Variants in PARVB observed in about 807,000 individuals in gnomAD.
PARVB encodes the protein beta-parvin.
A neutral mutation model predicts 47.0 loss-of-function variants in PARVB; 46 were observed. That is an observed-to-expected ratio of 0.98 (90% confidence interval 0.77 to 1.25). The LOEUF is 1.25. PARVB is among the 50% of genes most tolerant of loss of function. The pLI is 0.00. For synonymous variants in PARVB, 196 were observed against 196.3 expected (o/e 1.00, Z 0.01); for missense variants, 473 against 471.6 (o/e 1.00, Z -0.03).
At chr22:44,022,736 TTTTA>T (rs1189705686), upstream of PARVB, among the ~76,000 whole-genome samples, 1 of 134,246 alleles carries the variant, frequency 7.4e-6, no homozygotes, top group Non-Finnish European at 1.5e-5. Context: ...ACTTCTTTTT[TTTTA>T]TTTTTTATTT....
chr22:44,129,818 G>C (rs535389101), intron 4 of PARVB, among the ~76,000 whole-genome samples: 1 of 152,066 alleles, frequency 6.6e-6, no homozygotes, highest in Non-Finnish European at 1.5e-5. Flanking sequence ...TGTTTTTTAC[G>C]GGTGTTTATC....
intron 7 of PARVB, chr22:44,139,429 A>T (rs1342644707): frequency 2.0e-5 from 3 of 152,436 alleles, no homozygotes; most frequent in Non-Finnish European, 2.9e-5. Context: ...CCAGCCTTGC[A>T]TTTTTTTATT....
chr22:44,168,635 G>C lies in PARVB; in HGVS notation c.1052G>C (p.Arg351Thr), dbSNP rs765896985. The C allele has an allele frequency of 1.9e-6, 3 of 1,613,446 alleles. No homozygotes were observed. Among genetic ancestry groups the C allele is most frequent in the South Asian group, 1.1e-5 (1 of 91,070 alleles). Residue 351 changes from arginine to threonine, a missense_variant, in exon 13 of 13, where the codon AGG becomes ACG. Physicochemically the swap from Arg to Thr is moderately conservative, Grantham distance 71 (BLOSUM62 -1). Transcript: ENST00000338758. ...AACTTGGACCTCAAATCCACCCTGAGGGTTCTTTACAACCTGTTCACCAAG... is the reference window on the plus strand; with the variant it reads ...AACTTGGACCTCAAATCCACCCTGACGGTTCTTTACAACCTGTTCACCAAG... ...VVNLDLKSTL[R>T]VLYNLFTKYK...
intron 11 of PARVB, among the ~76,000 whole-genome samples, chr22:44,162,463 A>G (rs2054073913): frequency 6.6e-6 from 1 of 151,926 alleles, no homozygotes; most frequent in Non-Finnish European, 1.5e-5. Context: ...CTGGGATTAC[A>G]GGTGTGCACC....
At chr22:44,047,834 T>C (rs2051140447) in intron 1 of PARVB, among the ~76,000 whole-genome samples, 1 of 152,132 alleles carries the variant, frequency 6.6e-6, no homozygotes, top group African/African-American at 2.4e-5. Context: ...TTGACGTTGG[T>C]GTAATCTACT....
At position 44,063,870 on chromosome 22, in the gene PARVB, G is replaced by A. The variant is rs546515885; in HGVS notation, c.113-30058G>A. 1.4e-3 allele frequency among the ~76,000 whole-genome samples: 211 copies of A among 152,274 alleles called. 1 individual carries two copies. Among genetic ancestry groups the A allele is most frequent in the Non-Finnish European group, 2.3e-3 (156 of 68,030 alleles). On this transcript the variant is annotated intron_variant, in intron 1 of 12. Transcript: ENST00000338758. ...CCAGCTCGGATTCCCAGTTCTGGCCGAGCCGATGTGCTCTCTGTTGCCACA... is the reference window on the plus strand; with the variant it reads ...CCAGCTCGGATTCCCAGTTCTGGCCAAGCCGATGTGCTCTCTGTTGCCACA...
intron 1 of PARVB, among the ~76,000 whole-genome samples, chr22:44,054,604 T>C (rs1454394387): frequency 6.6e-6 from 1 of 152,174 alleles, no homozygotes; most frequent in African/African-American, 2.4e-5. Flanking sequence ...AGTTAGTGTT[T>C]CTGCCTTGCA....
At chr22:44,100,159 AG>A (rs1207358239) in intron 3 of PARVB, 36 bp downstream of exon 3, 13 of 1,549,386 alleles carry the variant, frequency 8.4e-6, no homozygotes, top group African/African-American at 1.4e-5. Context: ...TCTTCCTCTT[AG>A]GGCGAGGACT....
At chr22:44,093,732 G>A (rs570889794) in intron 1 of PARVB, among the ~76,000 whole-genome samples, 196 bp from the exon 2 acceptor site, 8 of 152,190 alleles carry the variant, frequency 5.3e-5, no homozygotes, top group Admixed American at 4.6e-4. Flanking sequence ...TATTTGGGGT[G>A]GGGAGGAACT....
At chr22:44,160,058 G>A (rs1395374308) in intron 11 of PARVB, among the ~76,000 whole-genome samples, 1 of 152,238 alleles carries the variant, frequency 6.6e-6, no homozygotes, top group Non-Finnish European at 1.5e-5. Flanking sequence ...CTCAGAGCCT[G>A]TAGGCTCGTG....
intron 1 of PARVB, among the ~76,000 whole-genome samples, chr22:44,057,401 T>G (rs2051335278): frequency 6.6e-6 from 1 of 152,138 alleles, no homozygotes; most frequent in African/African-American, 2.4e-5. Flanking sequence ...ATCTCCGTGC[T>G]CGCAAAAAAT....
chr22:44,107,501 G>A (rs369513796), intron 3 of PARVB: 2 of 152,208 alleles, frequency 1.3e-5, no homozygotes, highest in African/African-American at 2.4e-5. Context: ...AGTGATAGGA[G>A]CGTCTTTTGT....
At chr22:44,118,750 C>T (rs2052971451) in intron 3 of PARVB, among the ~76,000 whole-genome samples, 1 of 152,148 alleles carries the variant, frequency 6.6e-6, no homozygotes, top group East Asian at 1.9e-4. Flanking sequence ...TCTGTGCTTG[C>T]TCTGGTCCTG....
intron 1 of PARVB, among the ~76,000 whole-genome samples, chr22:44,032,702 G>A (rs1204393385): frequency 6.6e-6 from 1 of 152,142 alleles, no homozygotes; most frequent in Non-Finnish European, 1.5e-5. Context: ...AGGCATTGAC[G>A]CAGACACCAG....
Position 44,049,885 on chromosome 22 carries a change from G to A in PARVB, c.112+25434G>A, listed in dbSNP as rs566019372. On this transcript the variant is annotated intron_variant, in intron 1 of 12. Transcript: ENST00000338758. This position sits in a 1 kb window ranked among gnomAD's most constrained non-coding sequence, Gnocchi z 4.0. ...GCCTCAGCCTCTGTGTGGCTCTGGT[G>A]GGGAGTGTGTCTCGATGTTGTACTG... Among the ~76,000 whole-genome samples, 62 of 152,332 alleles carry A rather than the reference G, an allele frequency of 4.1e-4. No individual in the cohort carries two copies. The highest frequency in any genetic ancestry group is 6.6e-4 in the Non-Finnish European group (45 of 68,022).
intron 1 of PARVB, among the ~76,000 whole-genome samples, chr22:44,055,674 C>CTATATATATATA (rs1263427845): frequency 7.3e-6 from 1 of 136,978 alleles, no homozygotes; most frequent in African/African-American, 2.9e-5. Context: ...CTCTCTCTCT[C>CTATATATATATA]TCTCTATATA....
rs901926705 is a variant in PARVB, at chr22:44,046,850, C to T, written c.112+22399C>T. 3.9e-5 allele frequency among the ~76,000 whole-genome samples: 6 copies of T among 152,166 alleles called. No individual in the cohort carries two copies. The South Asian group carries it at 1.2e-3, about 32-fold the overall frequency. ...GAGGCCAGAGTCTGCTGACTTGAGC[C>T]TCTGCTGAGGTCCTTATCAGTGCCG... On this transcript the variant is annotated intron_variant, in intron 1 of 12. Coordinates refer to ENST00000338758, the MANE Select transcript of PARVB (RefSeq NM_013327.5).
chr22:44,170,294 C>G lies in PARVB; in HGVS notation c.*1616C>G, dbSNP rs2054253981. 6.6e-6 allele frequency: 1 copy of G among 152,150 alleles called. No homozygotes were observed. The highest frequency in any genetic ancestry group is 1.5e-5 in the Non-Finnish European group (1 of 68,036). 9.4% of individuals were successfully genotyped at this position (152,150 alleles called of 1,614,324 possible). On this transcript the variant is annotated 3_prime_UTR_variant, in exon 13 of 13. Transcript: ENST00000338758. Reference sequence around the variant, plus strand: ...GGGATTATAGGCATGAGCGGACATGCCCAGCCTGCACCCCTCTTTTTAGAA... The same window carrying G: ...GGGATTATAGGCATGAGCGGACATGGCCAGCCTGCACCCCTCTTTTTAGAA...
intron 8 of PARVB, 171 bp downstream of exon 8, chr22:44,140,314 A>G (rs1413062685): frequency 4.0e-6 from 3 of 746,966 alleles, no homozygotes; most frequent in Non-Finnish European, 7.3e-6. Context: ...ACCTTTCTGT[A>G]TAATGGGCTT....
Sources: allele counts gnomAD v4.1 joint callset (sites outside exome capture counted in the v4.1 genomes callset), GRCh38; gene constraint gnomAD v4.1.1; non-coding constraint Gnocchi (gnomAD v3.1); transcripts MANE v1.5; gene names NCBI Gene and HGNC (gene_info 2026-07-23, HGNC 2026-07-21).